Variants in SH3PXD2B observed in about 807,000 individuals in gnomAD.
The protein encoded by SH3PXD2B is SH3 and PX domain-containing protein 2B.
In SH3PXD2B, 37 loss-of-function variants were observed where a neutral mutation model predicts 73.1. The observed-to-expected ratio is 0.51, with a 90% confidence interval of 0.39 to 0.67. SH3PXD2B has a LOEUF of 0.67. SH3PXD2B is among the 30% of genes least tolerant of loss of function. SH3PXD2B has a pLI of 0.00. For missense variants in SH3PXD2B, 1,053 were observed against 1,197.8 expected (o/e 0.88, Z 1.78); for synonymous variants, 457 against 480.5 (o/e 0.95, Z 0.64).
intron 3 of SH3PXD2B, among the ~76,000 whole-genome samples, chr5:172,395,644 C>G (rs1266589565): frequency 6.6e-6 from 1 of 152,180 alleles, no homozygotes; most frequent in African/African-American, 2.4e-5. Context: ...AGGATATCCT[C>G]TCTTGGGGAG....
intron 1 of SH3PXD2B, among the ~76,000 whole-genome samples, chr5:172,451,153 C>T (rs1310149653): frequency 1.3e-5 from 2 of 152,210 alleles, no homozygotes; most frequent in African/African-American, 4.8e-5. Context: ...GAGCAGGTGG[C>T]CCAGCCCTGA....
chr5:172,432,674 T>C (rs1759276156), intron 1 of SH3PXD2B, among the ~76,000 whole-genome samples: 1 of 152,176 alleles, frequency 6.6e-6, no homozygotes, highest in South Asian at 2.1e-4. Flanking sequence ...CCCAGCATTT[T>C]GGCAGGCCGA....
intron 2 of SH3PXD2B, among the ~76,000 whole-genome samples, chr5:172,413,575 A>G (rs2113446137): frequency 6.6e-6 from 1 of 152,352 alleles, no homozygotes; most frequent in South Asian, 2.1e-4. Context: ...AATGAGAAAA[A>G]GTGGTTAACT....
rs1395747595 is a variant in SH3PXD2B, at chr5:172,421,535, G to A, written c.156+881C>T. The stretch of plus-strand genomic sequence containing the variant: ...ACAGTCTAGGCAGGGAGACAGACAA[G>A]CAGACAGCTTCAATACAGAGAGACA... On this transcript the variant is annotated intron_variant, in intron 2 of 12. Transcript: ENST00000311601. The surrounding 1 kb of genome is among the most constrained non-coding windows in gnomAD (Gnocchi z 4.0). 6.6e-6 allele frequency among the ~76,000 whole-genome samples: 1 copy of A among 152,168 alleles called. No individual in the cohort carries two copies. Among genetic ancestry groups the A allele is most frequent in the African/African-American group, 2.4e-5 (1 of 41,436 alleles).
downstream of SH3PXD2B, among the ~76,000 whole-genome samples, chr5:172,331,244 A>G (rs1000568769): frequency 2.0e-5 from 3 of 152,186 alleles, no homozygotes; most frequent in African/African-American, 4.8e-5. Flanking sequence ...AGCACAGAAT[A>G]TAATTTTTGA....
intron 6 of SH3PXD2B, 83 bp from the exon 7 acceptor site, chr5:172,362,952 G>A: frequency 1.9e-6 from 3 of 1,571,640 alleles, no homozygotes; most frequent in Non-Finnish European, 2.6e-6. Flanking sequence ...CGGGTCAAGA[G>A]GACGTTCCAA....
rs1253052787 is a variant in SH3PXD2B, at chr5:172,333,740, A to T, written c.*4629T>A. The T allele has an allele frequency of 1.6e-6, 2 of 1,289,358 alleles. No individual in the cohort carries two copies. Among genetic ancestry groups the T allele is most frequent in the South Asian group, 2.5e-5 (2 of 81,000 alleles). The allele number at this position is 1,289,358 out of a possible 1,614,324, so 79.9% of individuals were successfully genotyped here. A position where few individuals can be genotyped will look rare whatever the true frequency, so the allele number is the denominator to read the frequency against. On this transcript the variant is annotated 3_prime_UTR_variant, in exon 13 of 13. Coordinates refer to ENST00000311601, the MANE Select transcript of SH3PXD2B (RefSeq NM_001017995.3). Reference sequence around the variant, plus strand: ...ATCTCCAGCGTCATCCTATGAGCAGACACGAGGTGGTGGGCAGTGCCCACT... The same window carrying T: ...ATCTCCAGCGTCATCCTATGAGCAGTCACGAGGTGGTGGGCAGTGCCCACT...
At chr5:172,444,172 C>T (rs769794923) in intron 1 of SH3PXD2B, among the ~76,000 whole-genome samples, 9 of 152,140 alleles carry the variant, frequency 5.9e-5, no homozygotes, top group Non-Finnish European at 7.4e-5. Context: ...TCAGGTAATC[C>T]GGCTGGGCCA....
Position 172,337,265 on chromosome 5 carries a change from T to C in SH3PXD2B, c.*1104A>G, listed in dbSNP as rs1031070218. 3.0e-5 allele frequency: 30 copies of C among 985,696 alleles called. No homozygotes were observed. Among genetic ancestry groups the C allele is most frequent in the Middle Eastern group, 5.2e-4 (1 of 1,936 alleles). The allele number at this position is 985,696 out of a possible 1,614,324, so 61.1% of individuals were successfully genotyped here. On this transcript the variant is annotated 3_prime_UTR_variant, in exon 13 of 13. Transcript: ENST00000311601. Reference sequence around the variant, plus strand: ...CTCACCCCCCTCACAATGAAGCCACTTGGCCACCACTTAGCCAGCTTCTAT... The same window carrying C: ...CTCACCCCCCTCACAATGAAGCCACCTGGCCACCACTTAGCCAGCTTCTAT...
intron 2 of SH3PXD2B, among the ~76,000 whole-genome samples, chr5:172,411,187 G>A (rs1758682636): frequency 6.6e-6 from 1 of 152,010 alleles, no homozygotes; most frequent in East Asian, 1.9e-4. Flanking sequence ...TTAAGACAAT[G>A]AAACACCATT....
At chr5:172,363,618 A>G (rs1450834231) in intron 6 of SH3PXD2B, among the ~76,000 whole-genome samples, 1 of 152,072 alleles carries the variant, frequency 6.6e-6, no homozygotes, top group African/African-American at 2.4e-5. Context: ...GACCCGAGAG[A>G]GGAGGAGGGG....
In SH3PXD2B at chr5:172,382,367, C is replaced by T. The variant is rs111367511; in HGVS notation, c.310-240G>A. 7.5e-3 allele frequency among the ~76,000 whole-genome samples: 1,145 copies of T among 152,080 alleles called. 17 individuals carry two copies. Among genetic ancestry groups the T allele is most frequent in the African/African-American group, 0.026 (1,071 of 41,486 alleles). ...AAACCCAAAAAGCAAAGGAAGGAGA[C>T]GGGTGTTAGGAATGCCATATACCAC... is the stretch of plus-strand genomic sequence containing the variant. On this transcript the variant is annotated intron_variant, in intron 4 of 12. Transcript: ENST00000311601.
At chr5:172,333,005 G>A (rs558286134), downstream of SH3PXD2B, among the ~76,000 whole-genome samples, 71 of 149,550 alleles carry the variant, frequency 4.7e-4, no homozygotes, top group African/African-American at 1.4e-3. Flanking sequence ...ACGTGATGTC[G>A]ACTCACTGCA....
chr5:172,339,977 T>C lies in SH3PXD2B; in HGVS notation c.1189-61A>G. 6.2e-7 allele frequency: 1 copy of C among 1,604,120 alleles called. No homozygotes were observed. Among genetic ancestry groups the C allele is most frequent in the Non-Finnish European group, 8.5e-7 (1 of 1,175,406 alleles). ...ATGCCAGGGCCAGCAGATGGAATGGTTTGGCAGAACCCATGTGCAACTGGA... is the reference window on the plus strand; with the variant it reads ...ATGCCAGGGCCAGCAGATGGAATGGCTTGGCAGAACCCATGTGCAACTGGA... On this transcript the variant is annotated intron_variant, in intron 12 of 12. Transcript: ENST00000311601. This position sits in a 1 kb window ranked among gnomAD's most constrained non-coding sequence, Gnocchi z 6.1.
At chr5:172,426,210 G>A (rs1037341162) in intron 1 of SH3PXD2B, among the ~76,000 whole-genome samples, 3 of 152,164 alleles carry the variant, frequency 2.0e-5, no homozygotes, top group African/African-American at 4.8e-5. Flanking sequence ...TGAACACAAC[G>A]TGATGTCTGC....
chr5:172,357,118 C>CAAAAAAA (rs59461760), intron 8 of SH3PXD2B, among the ~76,000 whole-genome samples: 2 of 59,014 alleles, frequency 3.4e-5, no homozygotes, highest in Admixed American at 2.4e-4. Flanking sequence ...GACCCCATCT[C>CAAAAAAA]AAAAAAAAAA....
chr5:172,371,739 A>T (rs189209574), intron 6 of SH3PXD2B, among the ~76,000 whole-genome samples: 2 of 152,290 alleles, frequency 1.3e-5, no homozygotes, highest in African/African-American at 4.8e-5. Flanking sequence ...TTCCGACTGG[A>T]CATTTGTGTT....
In SH3PXD2B at chr5:172,362,756, T is replaced by C. The variant is rs1440830135; in HGVS notation, c.541A>G (p.Ile181Val). ...ISLSVGQVVD[I>V]IEKNESGWWF... is the part of the protein sequence containing the mutation. ...CCACCTGACTCATTCTTCTCGATGATGTCCACCACCTGCCCCACGCTGAGG... is the reference window on the plus strand; with the variant it reads ...CCACCTGACTCATTCTTCTCGATGACGTCCACCACCTGCCCCACGCTGAGG... Residue 181 changes from isoleucine to valine, a missense_variant, in exon 7 of 13, where the codon ATC becomes GTC. This residue lies in a region of SH3PXD2B where 466 missense variants were observed against 607.1 expected (regional missense o/e 0.77). Coordinates refer to ENST00000311601, the MANE Select transcript of SH3PXD2B (RefSeq NM_001017995.3). 3 of 1,614,042 alleles carry C rather than the reference T, an allele frequency of 1.9e-6. No homozygotes were observed. Among genetic ancestry groups the C allele is most frequent in the African/African-American group, 1.3e-5 (1 of 74,916 alleles).
chr5:172,422,644 G>A (rs1206219424), intron 1 of SH3PXD2B, 148 bp from the exon 2 acceptor site: 3 of 736,006 alleles, frequency 4.1e-6, no homozygotes, highest in East Asian at 2.7e-5. Context: ...GTTGCTTGCT[G>A]TAAGACTCAT....
Sources: allele counts gnomAD v4.1 joint callset (sites outside exome capture counted in the v4.1 genomes callset), GRCh38; gene constraint gnomAD v4.1.1; regional missense constraint gnomAD v4.1.1; non-coding constraint Gnocchi (gnomAD v3.1); transcripts MANE v1.5; gene names NCBI Gene and HGNC (gene_info 2026-07-23, HGNC 2026-07-21).